The following EML4 variants were observed in gnomAD, a reference collection of about 807,000 sequenced individuals.
The protein encoded by EML4 is echinoderm microtubule-associated protein-like 4.
Under a neutral mutation model 129.0 loss-of-function variants are expected in EML4, and 72 were observed. The observed-to-expected ratio is 0.56, with a 90% CI of 0.46 to 0.68. The LOEUF (loss-of-function observed/expected upper bound fraction) is 0.68. EML4 is among the 30% of genes least tolerant of loss of function. EML4 has a pLI of 0.00. For synonymous variants in EML4, 532 were observed against 405.0 expected (o/e 1.31, Z -3.77); for missense variants, 1,363 against 1,190.6 (o/e 1.14, Z -2.13).
intron 1 of EML4, 170 bp downstream of exon 1, chr2:42,169,806 C>G: frequency 1.5e-6 from 1 of 646,368 alleles, no homozygotes. Context: ...GGACTGAGGG[C>G]CCCTCCCCCA....
intron 19 of EML4, among the ~76,000 whole-genome samples, chr2:42,323,398 A>G (rs1309477539): frequency 6.6e-6 from 1 of 152,142 alleles, no homozygotes; most frequent in African/African-American, 2.4e-5. Context: ...GTGATTCCCA[A>G]CGTGTTTTCC....
intron 4 of EML4, among the ~76,000 whole-genome samples, chr2:42,261,724 A>G (rs760461526): frequency 2.1e-4 from 32 of 152,110 alleles, no homozygotes; most frequent in Non-Finnish European, 4.0e-4. Flanking sequence ...GCCCATCTCA[A>G]GTGGCTCTTC....
At chr2:42,264,143 A>G (rs1665920735) in intron 5 of EML4, among the ~76,000 whole-genome samples, 1 of 118,720 alleles carries the variant, frequency 8.4e-6, no homozygotes, top group Non-Finnish European at 1.6e-5. Flanking sequence ...ACAGTGTCTC[A>G]GTCGTCCAGG....
At chr2:42,185,147 G>C (rs1366258616) in intron 1 of EML4, among the ~76,000 whole-genome samples, 5 of 152,058 alleles carry the variant, frequency 3.3e-5, no homozygotes, top group African/African-American at 1.2e-4. Context: ...TGAAGAGAGA[G>C]AAAGTAATTT....
At chr2:42,300,917 A>G (rs1294626452) in intron 13 of EML4, among the ~76,000 whole-genome samples, 1 of 152,202 alleles carries the variant, frequency 6.6e-6, no homozygotes, top group Admixed American at 6.5e-5. Context: ...CAAGATGATT[A>G]TGAGAGATAG....
chr2:42,295,097 A>C (rs1667868721), intron 11 of EML4, 28 bp from the exon 12 acceptor site: 2 of 1,591,734 alleles, frequency 1.3e-6, no homozygotes, highest in South Asian at 2.3e-5. Context: ...ATATACATTC[A>C]TCTAAAGCTT....
chr2:42,281,881 A>G (rs915957399), intron 7 of EML4, among the ~76,000 whole-genome samples: 4 of 152,138 alleles, frequency 2.6e-5, no homozygotes, highest in Non-Finnish European at 1.5e-5. Flanking sequence ...ATTCTCCTGC[A>G]CTTCCTCCCA....
intron 2 of EML4, among the ~76,000 whole-genome samples, chr2:42,246,761 T>C (rs1397541498): frequency 6.6e-6 from 1 of 152,216 alleles, no homozygotes; most frequent in Non-Finnish European, 1.5e-5. Flanking sequence ...ATAGTTCCAC[T>C]GGGAGCTCCA....
intron 13 of EML4, 59 bp from the exon 14 acceptor site, chr2:42,301,182 G>C: frequency 1.4e-6 from 2 of 1,457,976 alleles, no homozygotes; most frequent in South Asian, 1.2e-5. Flanking sequence ...CTTCCAAATA[G>C]ACACTAAAAT....
chr2:42,255,272 A>T (rs1676057405), intron 2 of EML4, among the ~76,000 whole-genome samples: 1 of 151,714 alleles, frequency 6.6e-6, no homozygotes, highest in Non-Finnish European at 1.5e-5. Context: ...TTTTTAGTAG[A>T]TACAGGGTTT....
intron 1 of EML4, among the ~76,000 whole-genome samples, chr2:42,228,934 T>C (rs1479426985): frequency 6.6e-6 from 1 of 152,214 alleles, no homozygotes; most frequent in African/African-American, 2.4e-5. Context: ...GTTTTCACTG[T>C]CTCCTGCTAA....
At chr2:42,287,238 C>G (rs1038013739) in intron 10 of EML4, among the ~76,000 whole-genome samples, 1 of 152,130 alleles carries the variant, frequency 6.6e-6, no homozygotes, top group Non-Finnish European at 1.5e-5. Flanking sequence ...ACTTTGCTAG[C>G]TTGAAGGCAC....
At chr2:42,313,545 A>G (rs1383768090) in intron 17 of EML4, among the ~76,000 whole-genome samples, 2 of 152,176 alleles carry the variant, frequency 1.3e-5, no homozygotes, top group Non-Finnish European at 2.9e-5. Flanking sequence ...AAAATCCTTC[A>G]AGCCCTTTTC....
At chr2:42,249,577 A>T (rs1675634892) in intron 2 of EML4, among the ~76,000 whole-genome samples, 1 of 152,198 alleles carries the variant, frequency 6.6e-6, no homozygotes, top group Non-Finnish European at 1.5e-5. Context: ...CCAAAAGTAA[A>T]TGCTAATGAT....
At chr2:42,320,019 T>C (rs1034830495) in intron 19 of EML4, 5 of 152,218 alleles carry the variant, frequency 3.3e-5, no homozygotes, top group African/African-American at 1.2e-4. Flanking sequence ...TTATAAGTTA[T>C]ATGCATTTGG....
intron 6 of EML4, among the ~76,000 whole-genome samples, chr2:42,268,901 C>G (rs570006847): frequency 6.6e-6 from 1 of 152,066 alleles, no homozygotes; most frequent in African/African-American, 2.4e-5. Flanking sequence ...ACATAATTAC[C>G]TGGTCATGTT....
intron 1 of EML4, among the ~76,000 whole-genome samples, chr2:42,200,455 C>T (rs1672162935): frequency 6.6e-6 from 1 of 152,154 alleles, no homozygotes; most frequent in South Asian, 2.1e-4. Flanking sequence ...GGCATAAATG[C>T]TTTTATGGAC....
At chr2:42,198,267 G>C (rs1672013111) in intron 1 of EML4, among the ~76,000 whole-genome samples, 1 of 152,072 alleles carries the variant, frequency 6.6e-6, no homozygotes, top group Admixed American at 6.5e-5. Flanking sequence ...TTTATCCTGA[G>C]GGAAAATGAC....
chr2:42,281,401 A>AG (rs1166379322), intron 7 of EML4, among the ~76,000 whole-genome samples: 1 of 151,904 alleles, frequency 6.6e-6, no homozygotes, highest in Non-Finnish European at 1.5e-5. Context: ...TCAAAAGAAA[A>AG]AAAAAAAAAA....
Sources: gnomAD v4.1 joint callset for allele counts (sites outside exome capture counted in the v4.1 genomes callset) on GRCh38, gnomAD v4.1.1 for gene constraint, MANE v1.5 for transcripts, NCBI Gene and HGNC (gene_info 2026-07-23, HGNC 2026-07-21) for gene names.